The following CD2AP variants were observed in gnomAD, a reference collection of about 807,000 sequenced individuals.
The protein encoded by CD2AP is CD2-associated protein.
A neutral mutation model predicts 85.1 loss-of-function variants in CD2AP; 46 were observed. The ratio of observed to expected loss-of-function variants is 0.54; its 90% confidence interval spans 0.43 to 0.69. The LOEUF (loss-of-function observed/expected upper bound fraction) is 0.69. CD2AP is among the 30% of genes least tolerant of loss of function. The probability of loss-of-function intolerance (pLI) is 0.00; values close to 1 mark genes in which losing one functional copy is unlikely to be tolerated. For synonymous variants in CD2AP, 255 were observed against 252.9 expected (o/e 1.01, Z -0.08); for missense variants, 769 against 729.5 (o/e 1.05, Z -0.62).
intron 2 of CD2AP, among the ~76,000 whole-genome samples, chr6:47,513,379 A>C (rs993668164): frequency 6.6e-6 from 1 of 152,078 alleles, no homozygotes; most frequent in Admixed American, 6.5e-5. Flanking sequence ...TTGCCTATCT[A>C]TGTAGGTTCT....
At chr6:47,481,187 CA>C (rs1372909488) in intron 1 of CD2AP, among the ~76,000 whole-genome samples, 1 of 151,890 alleles carries the variant, frequency 6.6e-6, no homozygotes, top group African/African-American at 2.4e-5. Flanking sequence ...TTCTAGAGCA[CA>C]AAAAAGGAAT....
chr6:47,498,485 T>G (rs1292882921), intron 1 of CD2AP, among the ~76,000 whole-genome samples: 2 of 152,218 alleles, frequency 1.3e-5, no homozygotes, highest in Non-Finnish European at 2.9e-5. Context: ...TAGGATTATT[T>G]TCTTGTATTA....
chr6:47,478,168 G>A lies in CD2AP; in HGVS notation c.-77G>A, dbSNP rs1765351754. 6 of 1,539,548 alleles carry A rather than the reference G, an allele frequency of 3.9e-6. No individual in the cohort carries two copies. The highest frequency in any genetic ancestry group is 1.4e-5 in the African/African-American group (1 of 72,650). On this transcript the variant is annotated 5_prime_UTR_variant, in exon 1 of 18. Coordinates refer to ENST00000359314, the MANE Select transcript of CD2AP (RefSeq NM_012120.3). The stretch of plus-strand genomic sequence containing the variant: ...AGCGCGGGTCCCGCCTCCAGCCGCG[G>A]GAGCGGCCGCGCGAGCCACCACTGG...
chr6:47,484,263 T>C (rs2113959121), intron 1 of CD2AP, among the ~76,000 whole-genome samples: 1 of 152,270 alleles, frequency 6.6e-6, no homozygotes, highest in East Asian at 1.9e-4. Context: ...CATTTTTGAA[T>C]CATAACCTTG....
Position 47,574,127 on chromosome 6 carries a change from C to G in CD2AP, c.605C>G (p.Ser202Cys), listed in dbSNP as rs1374235828. Reference protein sequence around the residue: ...PSLGNVSETASGSVTQPKKIR... With the variant: ...PSLGNVSETACGSVTQPKKIR... ...CTGGGAAATGTGAGTGAAACTGCAT[C>G]TGGATCAGTTACACAGCCAAAGAAA... is the stretch of plus-strand genomic sequence containing the variant. Residue 202 changes from serine to cysteine, a missense_variant, in exon 6 of 18, where the codon TCT becomes TGT. Coordinates refer to ENST00000359314, the MANE Select transcript of CD2AP (RefSeq NM_012120.3). 6.2e-7 allele frequency: 1 copy of G among 1,613,870 alleles called. No homozygotes were observed. Among genetic ancestry groups the G allele is most frequent in the African/African-American group, 1.3e-5 (1 of 74,916 alleles).
intron 11 of CD2AP, among the ~76,000 whole-genome samples, chr6:47,587,688 T>C (rs944928317): frequency 1.3e-5 from 2 of 152,168 alleles, no homozygotes; most frequent in Admixed American, 6.5e-5. Context: ...GAGGAACTCA[T>C]AATTATTTTG....
intron 5 of CD2AP, chr6:47,562,686 A>C (rs9395277): frequency 0.98 from 617,057 of 628,892 alleles, 303,406 homozygotes; most frequent in East Asian, 1. Context: ...TGGGAGGTTC[A>C]GAAGACCACC....
chr6:47,526,455 T>A (rs1277721089), intron 2 of CD2AP, among the ~76,000 whole-genome samples: 1 of 152,214 alleles, frequency 6.6e-6, no homozygotes, highest in African/African-American at 2.4e-5. Flanking sequence ...CATTGTAGAC[T>A]ATAAGATTTT....
In CD2AP at chr6:47,497,349, C is replaced by T. The variant is rs115699712; in HGVS notation, c.5-5931C>T. On this transcript the variant is annotated intron_variant, in intron 1 of 17. Coordinates refer to ENST00000359314, the MANE Select transcript of CD2AP (RefSeq NM_012120.3). ...TCCTTTCCTTTCCCTTCCCTTCCCT[C>T]CCCTTCCCCTTCCCCTTCCCCTTCT... 4.0e-3 allele frequency among the ~76,000 whole-genome samples: 248 copies of T among 61,848 alleles called. 2 individuals carry two copies. Among genetic ancestry groups the T allele is most frequent in the African/African-American group, 0.01 (147 of 14,214 alleles). 40.6% of individuals were successfully genotyped at this position (61,848 alleles called of 152,430 possible).
intron 2 of CD2AP, among the ~76,000 whole-genome samples, chr6:47,513,005 G>A (rs1381599683): frequency 1.3e-5 from 2 of 148,910 alleles, no homozygotes; most frequent in Non-Finnish European, 3.0e-5. Context: ...TAGGTAATTA[G>A]TAGAGAGAAA....
rs1193929798 is a variant in CD2AP at position 47,526,922 on chromosome 6, GA to G, written c.166-6675del. Among the ~76,000 whole-genome samples, 4 of 152,212 alleles carry G rather than the reference GA, an allele frequency of 2.6e-5. No homozygotes were observed. The East Asian group carries it at 7.7e-4, about 29-fold the overall frequency. Reference sequence around the variant, plus strand: ...ATGTAGATTTTGTTTTTATTAGTATGAAAAATACTTAGTGCAGTCTGAAAAC... The same window carrying G: ...ATGTAGATTTTGTTTTTATTAGTATGAAAATACTTAGTGCAGTCTGAAAAC... On this transcript the variant is annotated intron_variant, in intron 2 of 17. Transcript: ENST00000359314.
chr6:47,618,044 C>G (rs1381398309), intron 17 of CD2AP, among the ~76,000 whole-genome samples: 1 of 152,182 alleles, frequency 6.6e-6, no homozygotes, highest in Non-Finnish European at 1.5e-5. Flanking sequence ...AGTGGCCGGG[C>G]ACGGTGGCTC....
At position 47,625,532 on chromosome 6, in the gene CD2AP, C is replaced by T. The variant is rs1258049687; in HGVS notation, c.*1305C>T. On this transcript the variant is annotated 3_prime_UTR_variant, in exon 18 of 18. Transcript: ENST00000359314. ...CTGTCTGTAGGTAACATCTAAAACA[C>T]AAGTGGGTTTATTTAAATTTTTAAA... The T allele has an allele frequency of 2.0e-5, 3 of 151,748 alleles. No individual in the cohort carries two copies. Among genetic ancestry groups the T allele is most frequent in the Non-Finnish European group, 4.4e-5 (3 of 67,740 alleles). The allele number at this position is 151,748 out of a possible 1,614,324, so 9.4% of individuals were successfully genotyped here.
At chr6:47,537,854 T>C (rs1258754649) in intron 3 of CD2AP, among the ~76,000 whole-genome samples, 1 of 151,704 alleles carries the variant, frequency 6.6e-6, no homozygotes, top group Non-Finnish European at 1.5e-5. Flanking sequence ...CAATCTCAGC[T>C]CACTGCAGCC....
At chr6:47,573,594 T>C (rs1768215795) in intron 5 of CD2AP, among the ~76,000 whole-genome samples, 1 of 147,942 alleles carries the variant, frequency 6.8e-6, no homozygotes, top group South Asian at 2.2e-4. Context: ...GTTCACGCCA[T>C]TCTCCTGCCT....
At chr6:47,543,228 C>G (rs1767279985) in intron 3 of CD2AP, among the ~76,000 whole-genome samples, 1 of 147,778 alleles carries the variant, frequency 6.8e-6, no homozygotes, top group South Asian at 2.2e-4. Flanking sequence ...GTCTTCTAAG[C>G]TGAGAAGTGA....
intron 5 of CD2AP, among the ~76,000 whole-genome samples, chr6:47,572,375 C>T (rs530678091): frequency 1.7e-3 from 261 of 152,256 alleles, no homozygotes; most frequent in African/African-American, 6.0e-3. Flanking sequence ...ATATTTAAAA[C>T]GGGTTCATTT....
intron 1 of CD2AP, among the ~76,000 whole-genome samples, chr6:47,489,423 G>T (rs1026717740): frequency 6.6e-6 from 1 of 151,978 alleles, no homozygotes; most frequent in African/African-American, 2.4e-5. Flanking sequence ...TGATCTGCCC[G>T]CCTCGGCCTC....
intron 3 of CD2AP, among the ~76,000 whole-genome samples, chr6:47,535,560 G>T (rs2114029051): frequency 6.6e-6 from 1 of 152,258 alleles, no homozygotes; most frequent in East Asian, 1.9e-4. Flanking sequence ...CAGATTTTAT[G>T]ACACTTGGAC....
Sources: gnomAD v4.1 joint callset for allele counts (sites outside exome capture counted in the v4.1 genomes callset) on GRCh38, gnomAD v4.1.1 for gene constraint, MANE v1.5 for transcripts, NCBI Gene and HGNC (gene_info 2026-07-23, HGNC 2026-07-21) for gene names.